Variants in GIPC3 observed in about 807,000 individuals in gnomAD.
The protein encoded by GIPC3 is GIPC PDZ domain containing family member 3, also known as PDZ domain-containing protein GIPC3.
A neutral mutation model predicts 27.3 loss-of-function variants in GIPC3; 16 were observed. That is an observed-to-expected ratio of 0.59 (90% CI 0.40 to 0.89). GIPC3 has a LOEUF of 0.89. Among genes scored for constraint, GIPC3 ranks in the 40% least tolerant of loss-of-function variants. GIPC3 has a pLI of 0.00. For missense variants in GIPC3, 440 were observed against 442.1 expected, an observed-to-expected ratio of 1.00 and a Z score of 0.04; for synonymous variants, 194 against 184.6, an observed-to-expected ratio of 1.05 and a Z score of -0.41.
At position 3,586,748 on chromosome 19, in the gene GIPC3, C is replaced by T. The variant is rs1319225910; in HGVS notation, c.412-66C>T. The T allele has an allele frequency of 2.5e-6, 4 of 1,610,316 alleles. No individual in the cohort carries two copies. In the South Asian group the frequency reaches 3.3e-5, roughly 13 times the overall value. On this transcript the variant is annotated intron_variant, in intron 2 of 5. Coordinates refer to ENST00000644452, the MANE Select transcript of GIPC3 (RefSeq NM_133261.3). ...AACTGCCCCCCCCACTCTGGGTCGACGTGGGTTCTGCGGATTGGAGGCGGG... is the reference window on the plus strand; with the variant it reads ...AACTGCCCCCCCCACTCTGGGTCGATGTGGGTTCTGCGGATTGGAGGCGGG...
rs2032351469 is a variant in GIPC3, at chr19:3,585,708, C to T, written c.111C>T (p.Leu37=). The part of the protein sequence containing the change: ...PPAAPRARPR[L]VFRTQLAHGS... ...CCGCGCCCCGCGCCCGCCCGCGCCTCGTCTTCCGCACGCAGCTGGCGCACG... is the reference window on the plus strand; with the variant it reads ...CCGCGCCCCGCGCCCGCCCGCGCCTTGTCTTCCGCACGCAGCTGGCGCACG... The change falls in exon 1 of 6, where the codon CTC becomes CTT. Residue 37 remains leucine, a synonymous_variant. Coordinates refer to ENST00000644452, the MANE Select transcript of GIPC3 (RefSeq NM_133261.3). 2 of 1,461,230 alleles carry T rather than the reference C, an allele frequency of 1.4e-6. No individual in the cohort carries two copies. The highest frequency in any genetic ancestry group is 1.8e-6 in the Non-Finnish European group (2 of 1,100,180). 90.5% of individuals were successfully genotyped at this position (1,461,230 alleles called of 1,614,324 possible). A position where few individuals can be genotyped will look rare whatever the true frequency, so the allele number is the denominator to read the frequency against.
In GIPC3 at chr19:3,586,508, C is replaced by T; in HGVS notation, c.239C>T (p.Thr80Ile). 2 of 1,613,634 alleles carry T rather than the reference C, an allele frequency of 1.2e-6. No homozygotes were observed. Among genetic ancestry groups the T allele is most frequent in the Non-Finnish European group, 1.7e-6 (2 of 1,179,944 alleles). The change falls in exon 2 of 6, where the codon ACC becomes ATC. Residue 80 changes from threonine (T) to isoleucine (I), a missense_variant. Transcript: ENST00000644452. ...GIAPTEILFC[T>I]LNSHKVDMQK... ...TCCCCCGGGAAGATTTTATTCTGCA[C>T]CCTCAACAGCCACAAAGTGGACATG...
rs762901930 is a variant in GIPC3 at position 3,586,798 on chromosome 19, C to G, written c.412-16C>G. 2.5e-6 allele frequency: 4 copies of G among 1,613,068 alleles called. No homozygotes were observed. The South Asian group carries it at 4.4e-5, about 18-fold the overall frequency. ...GTGGCTGGGGTTGCCCTGCCAGCGA[C>G]GCTGGATCCCTGCAGAGAATCAAGG... On this transcript the variant is annotated splice_polypyrimidine_tract_variant and intron_variant, in intron 2 of 5. Coordinates refer to ENST00000644452, the MANE Select transcript of GIPC3 (RefSeq NM_133261.3).
At chr19:3,588,450 A>C (rs1023772777) in intron 3 of GIPC3, among the ~76,000 whole-genome samples, 16 of 152,098 alleles carry the variant, frequency 1.1e-4, no homozygotes, top group Non-Finnish European at 2.9e-5. Context: ...GTGCCCCAGC[A>C]CACATGGAGA....
rs1442981729 is a variant in GIPC3 at position 3,592,219 on chromosome 19, G to T, written c.*2029G>T. ...TGCCCAGGAGCTCGACCAGCCTCTG[G>T]GACTCAATTCGCCTCTAAAACCCTG... On this transcript the variant is annotated 3_prime_UTR_variant, in exon 6 of 6. Transcript: ENST00000644452. 1 of 1,232,236 alleles carries T rather than the reference G, an allele frequency of 8.1e-7. No homozygotes were observed. The highest frequency in any genetic ancestry group is 3.2e-5 in the East Asian group (1 of 31,704). 76.3% of individuals were successfully genotyped at this position (1,232,236 alleles called of 1,614,324 possible). A position where few individuals can be genotyped will look rare whatever the true frequency, so the allele number is the denominator to read the frequency against.
In GIPC3 at chr19:3,586,795, C is replaced by T. The variant is rs764731510; in HGVS notation, c.412-19C>T. 5 of 1,612,950 alleles carry T rather than the reference C, an allele frequency of 3.1e-6. No homozygotes were observed. Among genetic ancestry groups the T allele is most frequent in the Non-Finnish European group, 4.2e-6 (5 of 1,179,832 alleles). On this transcript the variant is annotated intron_variant, in intron 2 of 5. Coordinates refer to ENST00000644452, the MANE Select transcript of GIPC3 (RefSeq NM_133261.3). ...CGGGTGGCTGGGGTTGCCCTGCCAG[C>T]GACGCTGGATCCCTGCAGAGAATCA...
Position 3,590,515 on chromosome 19 carries a change from A to T in GIPC3, c.*325A>T, listed in dbSNP as rs1329234203. 4 of 1,396,856 alleles carry T rather than the reference A, an allele frequency of 2.9e-6. No homozygotes were observed. The highest frequency in any genetic ancestry group is 2.6e-5 in the East Asian group (1 of 38,582). The allele number at this position is 1,396,856 out of a possible 1,614,324, so 86.5% of individuals were successfully genotyped here. On this transcript the variant is annotated 3_prime_UTR_variant, in exon 6 of 6. Coordinates refer to ENST00000644452, the MANE Select transcript of GIPC3 (RefSeq NM_133261.3). Reference sequence around the variant, plus strand: ...GAGACCATGCCCAGCACTGAGACCAAGCCCTGTTCTAGAACTCAGGCCTGC... The same window carrying T: ...GAGACCATGCCCAGCACTGAGACCATGCCCTGTTCTAGAACTCAGGCCTGC...
At chr19:3,588,960 A>G (rs1227775417) in intron 3 of GIPC3, among the ~76,000 whole-genome samples, 2 of 150,496 alleles carry the variant, frequency 1.3e-5, no homozygotes, top group Non-Finnish European at 2.9e-5. Context: ...AAAAAAAAAA[A>G]TCAAGCTTAG....
At chr19:3,587,356 A>T (rs536450046) in intron 3 of GIPC3, among the ~76,000 whole-genome samples, 1 of 152,268 alleles carries the variant, frequency 6.6e-6, no homozygotes, top group African/African-American at 2.4e-5. Context: ...ATCTCAGCTC[A>T]CTGCAATCTC....
chr19:3,587,075 CG>C, intron 3 of GIPC3, 81 bp downstream of exon 3: 1 of 1,380,160 alleles, frequency 7.2e-7, no homozygotes, highest in Non-Finnish European at 1.0e-6. Context: ...GGGGATGGGA[CG>C]GGCTGGAAGG....
chr19:3,585,910 TC>T, intron 1 of GIPC3, 88 bp downstream of exon 1: 1 of 1,470,010 alleles, frequency 6.8e-7, no homozygotes, highest in Non-Finnish European at 9.0e-7. Context: ...AGACCCCAGA[TC>T]CCCGGATCCC....
In GIPC3 at chr19:3,589,852, G is replaced by A. The variant is rs868241983; in HGVS notation, c.727G>A (p.Ala243Thr). 1 of 1,613,908 alleles carries A rather than the reference G, an allele frequency of 6.2e-7. No homozygotes were observed. Among genetic ancestry groups the A allele is most frequent in the African/African-American group, 1.3e-5 (1 of 75,050 alleles). The change falls in exon 5 of 6, where the codon GCA becomes ACA. Residue 243 changes from alanine to threonine, a missense_variant. Transcript: ENST00000644452. ...EEAPSEFEEE[A>T]SRKVDDLLES... The stretch of plus-strand genomic sequence containing the variant: ...CCAGCCCAGTGAGTTTGAGGAGGAG[G>A]CATCTCGGAAGGTTGATGACCTGCT...
At chr19:3,588,670 T>A (rs937810188) in intron 3 of GIPC3, among the ~76,000 whole-genome samples, 1 of 135,162 alleles carries the variant, frequency 7.4e-6, no homozygotes, top group African/African-American at 2.9e-5. Context: ...CCTGGCTGGG[T>A]GCAGTGGCTC....
rs1161586962 is a variant in GIPC3 at position 3,585,641 on chromosome 19, C to T, written c.44C>T (p.Pro15Leu). The T allele has an allele frequency of 8.4e-7, 1 of 1,194,766 alleles. No individual in the cohort carries two copies. The highest frequency in any genetic ancestry group is 3.7e-5 in the East Asian group (1 of 26,984). 74.0% of individuals were successfully genotyped at this position (1,194,766 alleles called of 1,614,324 possible). ...CGGGAGGCCCGGGGGACCGAGACCC[C>T]GCGCGCGTCTGCGCCCCCGCCCGCG... ...AAREARGTETPRASAPPPAPS... is the reference protein window; with the variant it reads ...AAREARGTETLRASAPPPAPS... The change falls in exon 1 of 6, where the codon CCG (proline) becomes CTG (leucine). Residue 15 changes from proline (P) to leucine (L), a missense_variant. Pro to Leu is a moderately conservative substitution (Grantham distance 98, BLOSUM62 -3). Coordinates refer to ENST00000644452, the MANE Select transcript of GIPC3 (RefSeq NM_133261.3).
In GIPC3 at chr19:3,590,572, T is replaced by A; in HGVS notation, c.*382T>A. 7.5e-7 allele frequency: 1 copy of A among 1,333,408 alleles called. No homozygotes were observed. Among genetic ancestry groups the A allele is most frequent in the Non-Finnish European group, 9.6e-7 (1 of 1,046,844 alleles). 82.6% of individuals were successfully genotyped at this position (1,333,408 alleles called of 1,614,324 possible). ...GCCAAGCCCAGCTCTAGAACCCAGA[T>A]GAGCTCTGAGACCATGCCCAGCTCT... On this transcript the variant is annotated 3_prime_UTR_variant, in exon 6 of 6. Transcript: ENST00000644452.
At position 3,586,083 on chromosome 19, in the gene GIPC3, C is replaced by T. The variant is rs2032358211; in HGVS notation, c.225+261C>T. ...TATTCCAGAAAATCCTCTGCGCAGA[C>T]CTAGCTTGGAGCGGACCCCAGCCCT... is the stretch of plus-strand genomic sequence containing the variant. On this transcript the variant is annotated intron_variant, in intron 1 of 5. Transcript: ENST00000644452. 2.0e-5 allele frequency among the ~76,000 whole-genome samples: 3 copies of T among 152,304 alleles called. No homozygotes were observed. In the South Asian group the frequency reaches 6.2e-4, roughly 32 times the overall value.
chr19:3,587,815 C>G (rs956070495), intron 3 of GIPC3, among the ~76,000 whole-genome samples: 2 of 151,356 alleles, frequency 1.3e-5, no homozygotes, highest in South Asian at 2.1e-4. Flanking sequence ...CTCAGCCTCC[C>G]GAGTAGCTGG....
At position 3,586,473 on chromosome 19, in the gene GIPC3, A is replaced by G. The variant is rs8100350; in HGVS notation, c.226-22A>G. ...GGGGATGCATGCCCTGGCTAACTCT[A>G]GGCTCCTTCTCCCCCGGGAAGATTT... On this transcript the variant is annotated intron_variant, in intron 1 of 5. Transcript: ENST00000644452. The G allele has an allele frequency of 0.27, 432,544 of 1,609,586 alleles. 63,911 individuals are homozygous for G. The highest frequency in any genetic ancestry group is 0.59 in the African/African-American group (44,433 of 74,832).
At chr19:3,587,695 C>CTTTTTTCTTTTCTTTTTTTTTTTTTTT (rs548820972) in intron 3 of GIPC3, among the ~76,000 whole-genome samples, 1 of 131,208 alleles carries the variant, frequency 7.6e-6, no homozygotes, top group Non-Finnish European at 1.6e-5. Context: ...CTTTTCTTTT[C>CTTTTTTCTTTTCTTTTTTTTTTTTTTT]TTTTTTTTTT....
Sources: gnomAD v4.1 joint callset for allele counts (sites outside exome capture counted in the v4.1 genomes callset) on GRCh38, gnomAD v4.1.1 for gene constraint, MANE v1.5 for transcripts, NCBI Gene and HGNC (gene_info 2026-07-23, HGNC 2026-07-21) for gene names.